TUSC3: variants seen among roughly 807,000 people sequenced by gnomAD.
TUSC3 encodes the protein dolichyl-diphosphooligosaccharide--protein glycosyltransferase subunit TUSC3.
Under a neutral mutation model 44.8 loss-of-function variants are expected in TUSC3, and 45 were observed. The ratio of observed to expected loss-of-function variants is 1.00; its 90% CI spans 0.79 to 1.29. The LOEUF is 1.29. Among genes scored for constraint, TUSC3 ranks in the 50% most tolerant of loss-of-function variants. The pLI is 0.00. For synonymous variants in TUSC3, 212 were observed against 152.9 expected (o/e 1.39, Z -2.85); for missense variants, 519 against 437.9 (o/e 1.19, Z -1.65).
intron 1 of TUSC3, among the ~76,000 whole-genome samples, chr8:15,581,060 C>A (rs1803307019): frequency 7.8e-6 from 1 of 128,570 alleles, no homozygotes; most frequent in Non-Finnish European, 1.6e-5. Flanking sequence ...CGCTTCATTT[C>A]ATTCATTTCA....
At chr8:15,692,638 G>A (rs1808968387) in intron 6 of TUSC3, among the ~76,000 whole-genome samples, 1 of 149,966 alleles carries the variant, frequency 6.7e-6, no homozygotes, top group East Asian at 2.0e-4. Context: ...GTGCATAGAG[G>A]TATTTGTAGT....
intron 6 of TUSC3, among the ~76,000 whole-genome samples, chr8:15,683,763 C>T (rs886797821): frequency 2.6e-5 from 4 of 152,088 alleles, no homozygotes; most frequent in African/African-American, 7.2e-5. Flanking sequence ...GGAACTGGTG[C>T]TTCTTTTTCT....
intron 1 of TUSC3, among the ~76,000 whole-genome samples, chr8:15,541,195 G>T (rs920862152): frequency 6.6e-6 from 1 of 152,162 alleles, no homozygotes; most frequent in Non-Finnish European, 1.5e-5. Context: ...TTTATTTTAT[G>T]TGGATTTATT....
At chr8:15,436,972 A>G (rs1799955682) in intron 1 of TUSC3, among the ~76,000 whole-genome samples, 1 of 152,206 alleles carries the variant, frequency 6.6e-6, no homozygotes, top group East Asian at 1.9e-4. Context: ...AGCGATTCTC[A>G]CAATAGTACA....
rs1810734386 is a variant in TUSC3, at chr8:15,731,771, A to G, written c.862+1042A>G. 3.3e-5 allele frequency among the ~76,000 whole-genome samples: 5 copies of G among 152,132 alleles called. No homozygotes were observed. In the South Asian group the frequency reaches 8.3e-4, roughly 25 times the overall value. ...AATACTATCTTTTTAACAACATTGA[A>G]GTTTTTGGATTTTATTACTTTGTTG... is the stretch of plus-strand genomic sequence containing the variant. On this transcript the variant is annotated intron_variant, in intron 7 of 10. Transcript: ENST00000503731.
chr8:15,658,939 C>T (rs1216569511), intron 3 of TUSC3, among the ~76,000 whole-genome samples: 2 of 152,020 alleles, frequency 1.3e-5, no homozygotes, highest in Non-Finnish European at 1.5e-5. Context: ...AGGATTTCTT[C>T]TTCATTCTCT....
Position 15,546,684 on chromosome 8 carries a change from C to A in TUSC3, c.138+6116C>A, listed in dbSNP as rs187982682. On this transcript the variant is annotated intron_variant, in intron 1 of 10. Transcript: ENST00000503731. The stretch of plus-strand genomic sequence containing the variant: ...CCGAGTAGCTGGGATTACAGGCATA[C>A]GCCACCATGCCTGGCTAATTTCGTA... Among the ~76,000 whole-genome samples, 526 of 151,502 alleles carry A rather than the reference C, an allele frequency of 3.5e-3. 4 individuals carry two copies. Among genetic ancestry groups the A allele is most frequent in the African/African-American group, 0.012 (503 of 41,438 alleles).
intron 2 of TUSC3, among the ~76,000 whole-genome samples, chr8:15,530,882 G>C (rs976683350): frequency 1.2e-4 from 18 of 152,128 alleles, no homozygotes; most frequent in African/African-American, 4.1e-4. Context: ...GCTCCTGACC[G>C]TAAACTCAGT....
intron 2 of TUSC3, among the ~76,000 whole-genome samples, chr8:15,494,663 G>A (rs1800856165): frequency 6.6e-6 from 1 of 152,092 alleles, no homozygotes; most frequent in Non-Finnish European, 1.5e-5. Flanking sequence ...ACCTTTGCAC[G>A]TCCTATTTAA....
chr8:15,424,619 G>A (rs968321013), intron 1 of TUSC3, among the ~76,000 whole-genome samples: 5 of 152,124 alleles, frequency 3.3e-5, no homozygotes, highest in African/African-American at 7.2e-5. Context: ...GGTGGCTTAC[G>A]CCTGTAATCC....
intron 6 of TUSC3, among the ~76,000 whole-genome samples, chr8:15,723,705 G>A (rs961312978): frequency 1.3e-5 from 2 of 152,114 alleles, no homozygotes; most frequent in Non-Finnish European, 2.9e-5. Context: ...TAAAATGTTA[G>A]AGTGGGATTT....
intron 6 of TUSC3, among the ~76,000 whole-genome samples, chr8:15,730,061 A>G (rs1442880578): frequency 1.3e-5 from 2 of 152,122 alleles, no homozygotes; most frequent in Non-Finnish European, 2.9e-5. Flanking sequence ...AAGAGAGATT[A>G]TCAGCAGAAA....
intron 3 of TUSC3, among the ~76,000 whole-genome samples, chr8:15,652,241 A>G (rs891705624): frequency 6.6e-6 from 1 of 152,224 alleles, no homozygotes; most frequent in Non-Finnish European, 1.5e-5. Flanking sequence ...TTACCAGGTC[A>G]TGGAAAAGCA....
chr8:15,522,890 G>C (rs1801316819), intron 2 of TUSC3, among the ~76,000 whole-genome samples: 1 of 152,188 alleles, frequency 6.6e-6, no homozygotes, highest in Non-Finnish European at 1.5e-5. Flanking sequence ...CTTAAGTGCA[G>C]ATGGTTTATT....
the TUSC3 span, among the ~76,000 whole-genome samples, chr8:15,792,800 G>A: frequency 6.6e-6 from 1 of 151,864 alleles, no homozygotes; most frequent in Non-Finnish European, 1.5e-5. Flanking sequence ...TGTAGTTTTA[G>A]TAGAAACAGG....
intron 1 of TUSC3, among the ~76,000 whole-genome samples, chr8:15,474,072 T>C (rs958356991): frequency 6.6e-6 from 1 of 152,126 alleles, no homozygotes; most frequent in Non-Finnish European, 1.5e-5. Context: ...GTATTAATTA[T>C]TAATACTCCT....
intron 2 of TUSC3, among the ~76,000 whole-genome samples, chr8:15,648,947 C>A (rs1330252930): frequency 1.3e-5 from 2 of 151,842 alleles, no homozygotes; most frequent in African/African-American, 4.8e-5. Flanking sequence ...AATAAAGTCC[C>A]TTTTCTCTGA....
At chr8:15,749,136 T>G (rs2129218249) in intron 9 of TUSC3, among the ~76,000 whole-genome samples, 1 of 152,274 alleles carries the variant, frequency 6.6e-6, no homozygotes, top group East Asian at 1.9e-4. Context: ...TTAACATTTT[T>G]TTCTTTCTCT....
chr8:15,814,578 C>T, the TUSC3 span, among the ~76,000 whole-genome samples: 1 of 152,174 alleles, frequency 6.6e-6, no homozygotes, highest in Non-Finnish European at 1.5e-5. Context: ...TCACAAATGT[C>T]TCTTTGCTCA....
Sources: allele counts gnomAD v4.1 joint callset (sites outside exome capture counted in the v4.1 genomes callset), GRCh38; gene constraint gnomAD v4.1.1; transcripts MANE v1.5; gene names NCBI Gene and HGNC (gene_info 2026-07-23, HGNC 2026-07-21).